The following PITPNM3 variants were observed in gnomAD, a reference collection of about 807,000 sequenced individuals.
PITPNM3 encodes membrane-associated phosphatidylinositol transfer protein 3.
A neutral mutation model predicts 102.0 loss-of-function variants in PITPNM3; 26 were observed. That is an observed-to-expected ratio of 0.25 (90% confidence interval 0.19 to 0.35). PITPNM3 has a LOEUF of 0.35. PITPNM3 is among the 10% of genes least tolerant of loss of function. The pLI is 1.00. For synonymous variants in PITPNM3, 578 were observed against 558.6 expected (o/e 1.03, Z -0.49); for missense variants, 1,083 against 1,346.1 (o/e 0.80, Z 3.06).
intron 3 of PITPNM3, 28 bp downstream of exon 3, chr17:6,525,328 C>G (rs371362966): frequency 6.2e-7 from 1 of 1,601,260 alleles, no homozygotes; most frequent in Non-Finnish European, 8.6e-7. Flanking sequence ...ATGTGCACAT[C>G]CTGGTCATGA....
At position 6,461,522 on chromosome 17, in the gene PITPNM3, T is replaced by C. The variant is rs1189174434; in HGVS notation, c.2341A>G (p.Ile781Val). The C allele has an allele frequency of 1.9e-6, 3 of 1,614,092 alleles. No individual in the cohort carries two copies. Among genetic ancestry groups the C allele is most frequent in the Non-Finnish European group, 2.5e-6 (3 of 1,180,046 alleles). The change falls in exon 18 of 20, where the codon ATC (isoleucine) becomes GTC (valine). Residue 781 changes from isoleucine to valine, a missense_variant. Around this residue, in one of 5 missense-constraint regions of PITPNM3, gnomAD observed 410 missense variants for 638.4 expected, o/e 0.64. Transcript: ENST00000262483. ...WQDLGYMILYITGRPDMQKQR... is the reference protein window; with the variant it reads ...WQDLGYMILYVTGRPDMQKQR... ...TTCTGCATGTCCGGCCGTCCCGTGA[T>C]GTAAAGGATCATGTAGCCCAAGTCC...
intron 17 of PITPNM3, among the ~76,000 whole-genome samples, chr17:6,461,792 C>G (rs1904473798): frequency 6.6e-6 from 1 of 152,190 alleles, no homozygotes; most frequent in Non-Finnish European, 1.5e-5. Context: ...TCACCCCTGC[C>G]CCTCTGCTCA....
Position 6,490,946 on chromosome 17 carries a change from A to G in PITPNM3, c.275-6654T>C, listed in dbSNP as rs1252393968. Reference sequence around the variant, plus strand: ...CACTGCACTCCAGCCTAGGAGACAGAGCAAGACTCTGTCACCAAAAAAAAA... The same window carrying G: ...CACTGCACTCCAGCCTAGGAGACAGGGCAAGACTCTGTCACCAAAAAAAAA... On this transcript the variant is annotated intron_variant, in intron 4 of 19. Transcript: ENST00000262483. 1.1e-4 allele frequency among the ~76,000 whole-genome samples: 14 copies of G among 132,920 alleles called. No homozygotes were observed. The East Asian group carries it at 3.2e-3, about 30-fold the overall frequency. The allele number at this position is 132,920 out of a possible 152,430, so 87.2% of individuals were successfully genotyped here.
intron 2 of PITPNM3, among the ~76,000 whole-genome samples, chr17:6,536,527 G>A (rs929673540): frequency 5.9e-5 from 9 of 152,120 alleles, no homozygotes; most frequent in East Asian, 1.9e-4. Context: ...CTCAGGGAAG[G>A]GGTTCCCCGC....
chr17:6,520,038 AGCAT>A (rs1304287353), intron 3 of PITPNM3, among the ~76,000 whole-genome samples: 3 of 152,232 alleles, frequency 2.0e-5, no homozygotes, highest in African/African-American at 7.2e-5. Context: ...ACAATCCAAT[AGCAT>A]ATTGGCAAAA....
chr17:6,460,984 C>A, intron 18 of PITPNM3: 1 of 326,944 alleles, frequency 3.1e-6, no homozygotes, highest in East Asian at 8.1e-5. Flanking sequence ...TCACAGAAAG[C>A]ACATCCGGGT....
chr17:6,551,012 G>A (rs116093112), intron 1 of PITPNM3, among the ~76,000 whole-genome samples: 1,558 of 152,312 alleles, frequency 0.01, 26 homozygotes, highest in African/African-American at 0.035. Context: ...GCATAGGAAC[G>A]TGAGGCCATC....
At chr17:6,508,215 G>A (rs1009849193) in intron 3 of PITPNM3, among the ~76,000 whole-genome samples, 7 of 152,186 alleles carry the variant, frequency 4.6e-5, no homozygotes, top group Non-Finnish European at 7.4e-5. Context: ...AAAGGAGGTC[G>A]GGACCAAGCT....
chr17:6,487,330 A>T (rs1408053476), intron 4 of PITPNM3, among the ~76,000 whole-genome samples: 1 of 152,126 alleles, frequency 6.6e-6, no homozygotes, highest in Non-Finnish European at 1.5e-5. Flanking sequence ...CATATGCATA[A>T]AGGGCTTAGA....
intron 3 of PITPNM3, among the ~76,000 whole-genome samples, chr17:6,515,152 T>C (rs1208145310): frequency 6.6e-6 from 1 of 152,092 alleles, no homozygotes; most frequent in Non-Finnish European, 1.5e-5. Context: ...TCCCAGCACT[T>C]TGGGAGACCG....
chr17:6,546,746 C>T (rs372498618), intron 1 of PITPNM3, among the ~76,000 whole-genome samples: 7 of 152,148 alleles, frequency 4.6e-5, no homozygotes, highest in Admixed American at 1.3e-4. Context: ...GGCTCACGCC[C>T]GTAATCCCAG....
intron 3 of PITPNM3, among the ~76,000 whole-genome samples, chr17:6,509,730 C>T (rs2150619235): frequency 6.6e-6 from 1 of 152,308 alleles, no homozygotes; most frequent in African/African-American, 2.4e-5. Context: ...ACGCTCATTA[C>T]CCTTCACCTG....
chr17:6,505,511 G>A (rs1388871058), intron 3 of PITPNM3, among the ~76,000 whole-genome samples: 1 of 152,144 alleles, frequency 6.6e-6, no homozygotes, highest in Admixed American at 6.5e-5. Context: ...CAGCACAATA[G>A]GATGGACGCA....
In PITPNM3 at chr17:6,457,866, A is replaced by C. The variant is rs1221283965; in HGVS notation, c.2491-144T>G. 1.1e-5 allele frequency: 14 copies of C among 1,245,748 alleles called. No individual in the cohort carries two copies. The highest frequency in any genetic ancestry group is 1.6e-5 in the Non-Finnish European group (14 of 888,562). The allele number at this position is 1,245,748 out of a possible 1,614,324, so 77.2% of individuals were successfully genotyped here. A position where few individuals can be genotyped will look rare whatever the true frequency, so the allele number is the denominator to read the frequency against. On this transcript the variant is annotated intron_variant, in intron 18 of 19. Transcript: ENST00000262483. This position sits in a 1 kb window ranked among gnomAD's most constrained non-coding sequence, Gnocchi z 4.7. ...CCAAGCCATGGGGCCACCCTGTGTC[A>C]GGAATGAACCCTCAGAGTGGCTGCC...
intron 4 of PITPNM3, among the ~76,000 whole-genome samples, chr17:6,494,298 C>T (rs940576297): frequency 1.3e-5 from 2 of 152,214 alleles, no homozygotes; most frequent in East Asian, 3.8e-4. Flanking sequence ...CTAATCCCTT[C>T]ACGCCACAGC....
intron 3 of PITPNM3, among the ~76,000 whole-genome samples, chr17:6,515,100 T>C (rs560336623): frequency 6.6e-6 from 1 of 152,142 alleles, no homozygotes; most frequent in African/African-American, 2.4e-5. Context: ...TTTTCAGAAA[T>C]GAAAATGTTC....
chr17:6,546,198 C>G (rs965949413), intron 1 of PITPNM3, among the ~76,000 whole-genome samples: 1 of 152,202 alleles, frequency 6.6e-6, no homozygotes, highest in Non-Finnish European at 1.5e-5. Flanking sequence ...GAAACATGTC[C>G]TAACTATCTC....
intron 4 of PITPNM3, among the ~76,000 whole-genome samples, chr17:6,501,723 A>G (rs1365907886): frequency 6.6e-6 from 1 of 151,816 alleles, no homozygotes; most frequent in Non-Finnish European, 1.5e-5. Flanking sequence ...CTCAGTTGCT[A>G]TTTTCTGAGG....
intron 1 of PITPNM3, among the ~76,000 whole-genome samples, chr17:6,548,926 A>T (rs1910169169): frequency 6.6e-6 from 1 of 152,086 alleles, no homozygotes; most frequent in Admixed American, 6.5e-5. Flanking sequence ...CAGCTAACAG[A>T]CGGTTACTTC....
Sources: allele counts gnomAD v4.1 joint callset (sites outside exome capture counted in the v4.1 genomes callset), GRCh38; gene constraint gnomAD v4.1.1; regional missense constraint gnomAD v4.1.1; non-coding constraint Gnocchi (gnomAD v3.1); transcripts MANE v1.5; gene names NCBI Gene and HGNC (gene_info 2026-07-23, HGNC 2026-07-21).